The following CEP162 variants were observed in gnomAD, a reference collection of about 807,000 sequenced individuals.
The protein encoded by CEP162 is centrosomal protein 162, also known as centrosomal protein of 162 kDa.
In CEP162, 141 loss-of-function variants were observed where a neutral mutation model predicts 169.2. That is an observed-to-expected ratio of 0.83 (90% CI 0.73 to 0.96). The LOEUF is 0.96. CEP162 is among the 40% of genes least tolerant of loss of function. The probability of loss-of-function intolerance (pLI) is 0.00; values close to 1 mark genes in which losing one functional copy is unlikely to be tolerated. For synonymous variants in CEP162, 540 were observed against 526.4 expected, an observed-to-expected ratio of 1.03 and a Z score of -0.35; for missense variants, 1,600 against 1,587.2, an observed-to-expected ratio of 1.01 and a Z score of -0.14.
chr6:84,200,950 A>C, intron 8 of CEP162, 45 bp from the exon 9 acceptor site: 2 of 1,182,040 alleles, frequency 1.7e-6, no homozygotes, highest in Non-Finnish European at 2.5e-6. Flanking sequence ...AGATAAACTC[A>C]GTGGTTCTGT....
chr6:84,149,854 T>A (rs1340631272), intron 23 of CEP162, among the ~76,000 whole-genome samples, 151 bp from the exon 24 acceptor site: 1 of 152,146 alleles, frequency 6.6e-6, no homozygotes, highest in Non-Finnish European at 1.5e-5. Context: ...GCTTTATACA[T>A]TACTACTGCC....
rs181938552 is a variant in CEP162 at position 84,158,745 on chromosome 6, T to C, written c.2781+2067A>G. 2.9e-3 allele frequency among the ~76,000 whole-genome samples: 449 copies of C among 152,248 alleles called. 1 individual carries two copies. Among genetic ancestry groups the C allele is most frequent in the Non-Finnish European group, 3.0e-3 (206 of 68,006 alleles). On this transcript the variant is annotated intron_variant, in intron 21 of 26. Coordinates refer to ENST00000403245, the MANE Select transcript of CEP162 (RefSeq NM_014895.4). ...TAAAAAGAGAACTAGGTTTTATAAATGTAACATTTTAAATTAATGTATTCA... is the reference window on the plus strand; with the variant it reads ...TAAAAAGAGAACTAGGTTTTATAAACGTAACATTTTAAATTAATGTATTCA...
In CEP162 at chr6:84,207,714, A is replaced by G. The variant is rs918805306; in HGVS notation, c.572-3618T>C. Among the ~76,000 whole-genome samples, 4 of 96,162 alleles carry G rather than the reference A, an allele frequency of 4.2e-5. No individual in the cohort carries two copies. The East Asian group carries it at 8.3e-4, about 20-fold the overall frequency. The allele number at this position is 96,162 out of a possible 152,430, so 63.1% of individuals were successfully genotyped here. On this transcript the variant is annotated intron_variant, in intron 6 of 26. Transcript: ENST00000403245. ...ACATGTACCCTAGAACTTAAAGTATAAAAAAAAAAGAACTTTTTCTTTTGC... is the reference window on the plus strand; with the variant it reads ...ACATGTACCCTAGAACTTAAAGTATGAAAAAAAAAGAACTTTTTCTTTTGC...
intron 16 of CEP162, among the ~76,000 whole-genome samples, chr6:84,172,293 C>T (rs941258482): frequency 1.3e-5 from 2 of 152,124 alleles, no homozygotes; most frequent in Non-Finnish European, 2.9e-5. Flanking sequence ...CCCAGTTCAC[C>T]ACAAGGCTTG....
intron 6 of CEP162, among the ~76,000 whole-genome samples, chr6:84,207,005 T>C (rs2099547427): frequency 2.6e-5 from 4 of 152,090 alleles, no homozygotes; most frequent in Admixed American, 2.6e-4. Context: ...GAAATGCAAA[T>C]CAAAACCACA....
intron 14 of CEP162, 110 bp downstream of exon 14, chr6:84,175,104 C>T (rs1357362468): frequency 3.1e-5 from 27 of 869,324 alleles, no homozygotes; most frequent in Non-Finnish European, 4.4e-5. Flanking sequence ...ATTACAGTAT[C>T]ACTCAAAGGA....
intron 25 of CEP162, among the ~76,000 whole-genome samples, chr6:84,146,265 T>C (rs2099518819): frequency 6.6e-6 from 1 of 152,124 alleles, no homozygotes; most frequent in South Asian, 2.1e-4. Flanking sequence ...ATTAATAAAC[T>C]TGTTTTTCTC....
At chr6:84,218,112 A>G (rs907463742) in intron 3 of CEP162, among the ~76,000 whole-genome samples, 2 of 152,240 alleles carry the variant, frequency 1.3e-5, no homozygotes, top group African/African-American at 4.8e-5. Flanking sequence ...GGGGTATACC[A>G]AGACAGGAAA....
chr6:84,180,969 T>C (rs2099534561), intron 13 of CEP162, among the ~76,000 whole-genome samples: 1 of 152,190 alleles, frequency 6.6e-6, no homozygotes, highest in African/African-American at 2.4e-5. Context: ...TACCAATGAC[T>C]TTCTTCACAG....
chr6:84,223,997 AC>A (rs1202278993), intron 2 of CEP162, among the ~76,000 whole-genome samples: 1 of 152,178 alleles, frequency 6.6e-6, no homozygotes, highest in Non-Finnish European at 1.5e-5. Context: ...AAATAGGCAA[AC>A]ACACAGCTAC....
Position 84,124,907 on chromosome 6 carries a change from T to TTTTC in CEP162, c.*159_*162dup. 2 of 642,164 alleles carry TTTTC rather than the reference T, an allele frequency of 3.1e-6. No individual in the cohort carries two copies. The highest frequency in any genetic ancestry group is 3.8e-5 in the South Asian group (2 of 53,186). 39.8% of individuals were successfully genotyped at this position (642,164 alleles called of 1,614,324 possible). On this transcript the variant is annotated 3_prime_UTR_variant, in exon 27 of 27. Coordinates refer to ENST00000403245, the MANE Select transcript of CEP162 (RefSeq NM_014895.4). ...AGTAAAATACACCATTATATGTTTT[T>TTTTC]TTTCTTATTGGTTAAAGGCAATTTA...
chr6:84,213,015 G>A lies in CEP162; in HGVS notation c.513C>T (p.Ala171=). ...GTTCGTCATCAGTTAGTTCTGCGTT[G>A]GCTTGATTACTGGAAAAAATATTTA... ...THFKALHSNQ[A]NAELTDDEHE... is the part of the protein sequence containing the mutation. The change falls in exon 6 of 27, where the codon GCC becomes GCT. Residue 171 remains alanine, a synonymous_variant. Transcript: ENST00000403245. The A allele has an allele frequency of 6.5e-7, 1 of 1,539,236 alleles. No individual in the cohort carries two copies. The highest frequency in any genetic ancestry group is 1.7e-4 in the Middle Eastern group (1 of 5,912).
At chr6:84,162,903 G>A (rs969749382) in intron 19 of CEP162, among the ~76,000 whole-genome samples, 3 of 152,068 alleles carry the variant, frequency 2.0e-5, no homozygotes, top group African/African-American at 4.8e-5. Flanking sequence ...ATTTATGAAC[G>A]ACCAAACATA....
chr6:84,129,174 T>C (rs962517206), intron 25 of CEP162, among the ~76,000 whole-genome samples: 1 of 152,160 alleles, frequency 6.6e-6, no homozygotes, highest in Non-Finnish European at 1.5e-5. Flanking sequence ...GTCTTAATAG[T>C]AGAATGATTT....
chr6:84,144,744 TCTTTTTAGGGACTGTC>T (rs1314927357), intron 25 of CEP162, among the ~76,000 whole-genome samples: 3 of 152,140 alleles, frequency 2.0e-5, no homozygotes, highest in African/African-American at 7.2e-5. Context: ...GATGAAGAAT[TCTTTTTAGGGACTGTC>T]TGTTTAAAAC....
chr6:84,144,043 T>G (rs573374104), intron 25 of CEP162, among the ~76,000 whole-genome samples: 43 of 152,114 alleles, frequency 2.8e-4, no homozygotes, highest in African/African-American at 1.0e-3. Context: ...TCCTATTTAA[T>G]CAAATGTTTT....
chr6:84,157,804 T>C (rs1189773724), intron 21 of CEP162, among the ~76,000 whole-genome samples: 2 of 152,214 alleles, frequency 1.3e-5, no homozygotes, highest in Non-Finnish European at 2.9e-5. Flanking sequence ...ATTACTTATA[T>C]GCACATGAGT....
rs752624079 is a variant in CEP162, at chr6:84,213,006, T to C, written c.522A>G (p.Glu174=). 3 of 1,551,592 alleles carry C rather than the reference T, an allele frequency of 1.9e-6. No homozygotes were observed. The highest frequency in any genetic ancestry group is 2.4e-5 in the South Asian group (2 of 82,822). ...CATTCTCATGTTCGTCATCAGTTAG[T>C]TCTGCGTTGGCTTGATTACTGGAAA... is the stretch of plus-strand genomic sequence containing the variant. ...KALHSNQANA[E]LTDDEHENES... The change falls in exon 6 of 27, where the codon GAA becomes GAG. Residue 174 remains glutamate, a synonymous_variant. Coordinates refer to ENST00000403245, the MANE Select transcript of CEP162 (RefSeq NM_014895.4).
chr6:84,155,180 G>T, intron 22 of CEP162, 118 bp downstream of exon 22: 1 of 778,096 alleles, frequency 1.3e-6, no homozygotes. Flanking sequence ...ATTGATACCA[G>T]TGGTAAAGGT....
Sources: gnomAD v4.1 joint callset for allele counts (sites outside exome capture counted in the v4.1 genomes callset) on GRCh38, gnomAD v4.1.1 for gene constraint, MANE v1.5 for transcripts, NCBI Gene and HGNC (gene_info 2026-07-23, HGNC 2026-07-21) for gene names.